The following FRMD4A variants were observed in gnomAD, a reference collection of about 807,000 sequenced individuals.
The protein encoded by FRMD4A is FERM domain containing 4A, also known as FERM domain-containing protein 4A.
FRMD4A carries 29 observed loss-of-function variants against 129.1 expected under a neutral mutation model. The ratio of observed to expected loss-of-function variants is 0.22; its 90% CI spans 0.17 to 0.31. FRMD4A has a LOEUF of 0.31. Among genes scored for constraint, FRMD4A ranks in the 10% least tolerant of loss-of-function variants. The probability of loss-of-function intolerance (pLI) is 1.00; values close to 1 mark genes in which losing one functional copy is unlikely to be tolerated. For missense variants in FRMD4A, 1,272 were observed against 1,375.8 expected (o/e 0.92, Z 1.19); for synonymous variants, 634 against 571.6 (o/e 1.11, Z -1.56).
At chr10:13,649,520 T>G (rs1055661161) in intron 24 of FRMD4A, 2 of 152,142 alleles carry the variant, frequency 1.3e-5, no homozygotes, top group Non-Finnish European at 2.9e-5. Context: ...TGGAAACCAC[T>G]GGCCTGCTCC....
intron 2 of FRMD4A, among the ~76,000 whole-genome samples, chr10:13,896,405 A>G (rs547521876): frequency 5.0e-4 from 76 of 152,334 alleles, no homozygotes; most frequent in African/African-American, 1.8e-3. Context: ...CATTCTCAGC[A>G]AACTAACACA....
chr10:14,078,763 C>T (rs1465630577), intron 2 of FRMD4A, among the ~76,000 whole-genome samples: 1 of 152,214 alleles, frequency 6.6e-6, no homozygotes, highest in African/African-American at 2.4e-5. Flanking sequence ...CTCAGGTCTC[C>T]TGGCTCCAAG....
Position 13,860,740 on chromosome 10 carries a change from C to A in FRMD4A, c.46-1828G>T, listed in dbSNP as rs139381690. Among the ~76,000 whole-genome samples, 88 of 152,290 alleles carry A rather than the reference C, an allele frequency of 5.8e-4. 1 individual carries two copies. Among genetic ancestry groups the A allele is most frequent in the African/African-American group, 2.1e-3 (88 of 41,566 alleles). On this transcript the variant is annotated intron_variant, in intron 2 of 24. Transcript: ENST00000357447. The stretch of plus-strand genomic sequence containing the variant: ...CAGATGAGACACAATCTTGCCTTTA[C>A]ACACTTAGCACAGTGCCTGGCCCTA...
intron 2 of FRMD4A, among the ~76,000 whole-genome samples, chr10:13,948,843 G>C (rs1164696836): frequency 1.3e-5 from 2 of 151,654 alleles, no homozygotes; most frequent in African/African-American, 4.8e-5. Context: ...GTAGAGACAG[G>C]GTTTCACTAT....
intron 2 of FRMD4A, among the ~76,000 whole-genome samples, chr10:14,150,577 T>C (rs764084748): frequency 1.8e-4 from 28 of 152,284 alleles, no homozygotes; most frequent in Non-Finnish European, 3.1e-4. Flanking sequence ...TCATCAGCAG[T>C]TCCTAAAGAT....
chr10:13,657,535 G>T lies in FRMD4A; in HGVS notation c.2067-13C>A, dbSNP rs759653874. 6.4e-7 allele frequency: 1 copy of T among 1,550,828 alleles called. No homozygotes were observed. The highest frequency in any genetic ancestry group is 1.2e-5 in the South Asian group (1 of 84,190). On this transcript the variant is annotated splice_polypyrimidine_tract_variant and intron_variant, in intron 21 of 24. Transcript: ENST00000357447. ...GATGTCCACCGACCTGCCGGGAGACGACCCGGGTTGGTCTGGGGGTGGGGA... is the reference window on the plus strand; with the variant it reads ...GATGTCCACCGACCTGCCGGGAGACTACCCGGGTTGGTCTGGGGGTGGGGA...
chr10:14,095,852 C>G (rs1041765909), intron 2 of FRMD4A, among the ~76,000 whole-genome samples: 1 of 152,212 alleles, frequency 6.6e-6, no homozygotes. Context: ...CAGGGCAAGT[C>G]CACACCAATA....
At chr10:14,246,304 T>G (rs1342203298) in intron 2 of FRMD4A, among the ~76,000 whole-genome samples, 2 of 152,122 alleles carry the variant, frequency 1.3e-5, no homozygotes, top group African/African-American at 4.8e-5. Flanking sequence ...AAACCTAATG[T>G]CACTAGCCTC....
At chr10:13,760,848 C>T (rs2092041975) in intron 8 of FRMD4A, among the ~76,000 whole-genome samples, 1 of 147,392 alleles carries the variant, frequency 6.8e-6, no homozygotes, top group African/African-American at 2.5e-5. Context: ...AACCTTGATT[C>T]TCCAGAATGG....
chr10:13,745,614 T>G (rs2091250778), intron 9 of FRMD4A, among the ~76,000 whole-genome samples: 2 of 152,100 alleles, frequency 1.3e-5, no homozygotes, highest in Admixed American at 1.3e-4. Context: ...ACAGAGCAGA[T>G]AATGGAGATG....
chr10:13,892,025 C>T (rs2094705105), intron 2 of FRMD4A, among the ~76,000 whole-genome samples: 1 of 140,790 alleles, frequency 7.1e-6, no homozygotes, highest in African/African-American at 2.7e-5. Flanking sequence ...ATGCGCGCCC[C>T]CGCCCCCCCA....
rs377050411 is a variant in FRMD4A at position 14,261,515 on chromosome 10, T to C, written c.45+68543A>G. ...CAAATTAAAGCTGCCACTTCTGTCA[T>C]GAAACAGCTCTCAGAGAAGCAACTT... On this transcript the variant is annotated intron_variant, in intron 2 of 24. Transcript: ENST00000357447. 2.0e-5 allele frequency among the ~76,000 whole-genome samples: 3 copies of C among 152,296 alleles called. No individual in the cohort carries two copies. In the South Asian group the frequency reaches 6.2e-4, roughly 32 times the overall value.
intron 15 of FRMD4A, among the ~76,000 whole-genome samples, chr10:13,683,072 G>A (rs1042174379): frequency 6.6e-6 from 1 of 152,036 alleles, no homozygotes; most frequent in South Asian, 2.1e-4. Flanking sequence ...AGGCTGGAGT[G>A]CAGTGGCGTG....
At chr10:14,013,156 A>G (rs1198970321) in intron 2 of FRMD4A, among the ~76,000 whole-genome samples, 1 of 152,210 alleles carries the variant, frequency 6.6e-6, no homozygotes, top group Non-Finnish European at 1.5e-5. Flanking sequence ...TTTGCAAAAA[A>G]GGCGAAATAC....
rs796908270 is a variant in FRMD4A, at chr10:14,227,731, C to G, written c.45+102327G>C. 2.8e-4 allele frequency among the ~76,000 whole-genome samples: 42 copies of G among 152,322 alleles called. 1 individual carries two copies. The highest frequency in any genetic ancestry group is 9.4e-4 in the African/African-American group (39 of 41,576). On this transcript the variant is annotated intron_variant, in intron 2 of 24. Transcript: ENST00000357447. Reference sequence around the variant, plus strand: ...TCACTAGACTGGAAGCTCTAGGATGCATGAGATGCTATTGGTCACACAGTC... The same window carrying G: ...TCACTAGACTGGAAGCTCTAGGATGGATGAGATGCTATTGGTCACACAGTC...
chr10:14,069,853 A>G (rs776183069), intron 2 of FRMD4A, among the ~76,000 whole-genome samples: 25 of 152,300 alleles, frequency 1.6e-4, no homozygotes, highest in Non-Finnish European at 2.8e-4. Context: ...TACAGCTTTT[A>G]TAGAGAATTC....
chr10:14,012,834 TG>T (rs1170284600), intron 2 of FRMD4A, among the ~76,000 whole-genome samples: 1 of 152,206 alleles, frequency 6.6e-6, no homozygotes, highest in Non-Finnish European at 1.5e-5. Flanking sequence ...GTCTGTCCCC[TG>T]GAAGTCCACT....
intron 2 of FRMD4A, among the ~76,000 whole-genome samples, chr10:13,908,975 G>T (rs965728481): frequency 3.3e-5 from 5 of 152,156 alleles, no homozygotes; most frequent in African/African-American, 1.2e-4. Context: ...GACATTCTCA[G>T]TGAGGCCATC....
At chr10:14,039,388 A>G (rs942018218) in intron 2 of FRMD4A, among the ~76,000 whole-genome samples, 54 of 135,682 alleles carry the variant, frequency 4.0e-4, no homozygotes, top group East Asian at 1.2e-3. Context: ...CCATCCATCC[A>G]TCCATCCATC....
Sources: gnomAD v4.1 joint callset for allele counts (sites outside exome capture counted in the v4.1 genomes callset) on GRCh38, gnomAD v4.1.1 for gene constraint, MANE v1.5 for transcripts, NCBI Gene and HGNC (gene_info 2026-07-23, HGNC 2026-07-21) for gene names.